Variants in PRKN observed in about 807,000 individuals in gnomAD.
PRKN encodes parkin RBR E3 ubiquitin protein ligase.
A neutral mutation model predicts 59.5 loss-of-function variants in PRKN; 56 were observed. The ratio of observed to expected loss-of-function variants is 0.94; its 90% CI spans 0.76 to 1.18. PRKN has a LOEUF of 1.18. Ranked by LOEUF, PRKN falls within the 50% of genes most tolerant of loss-of-function variation. PRKN has a pLI of 0.00. For synonymous variants in PRKN, 250 were observed against 222.1 expected, an observed-to-expected ratio of 1.13 and a Z score of -1.12; for missense variants, 657 against 596.4, an observed-to-expected ratio of 1.10 and a Z score of -1.06.
At chr6:161,897,860 G>T (rs368935083) in intron 6 of PRKN, among the ~76,000 whole-genome samples, 2 of 149,892 alleles carry the variant, frequency 1.3e-5, no homozygotes, top group Non-Finnish European at 3.0e-5. Context: ...CCAGCTACTC[G>T]GGAGGCTGAG....
intron 6 of PRKN, among the ~76,000 whole-genome samples, chr6:161,795,572 A>G (rs1254237125): frequency 1.3e-5 from 2 of 151,976 alleles, no homozygotes; most frequent in Admixed American, 6.6e-5. Flanking sequence ...AACCTGCACC[A>G]GGTCTCTCCA....
intron 1 of PRKN, among the ~76,000 whole-genome samples, chr6:162,461,766 C>T (rs147317868): frequency 0.016 from 2,404 of 150,930 alleles, 38 homozygotes; most frequent in Non-Finnish European, 0.027. Context: ...GTGGAGGTTG[C>T]AGTGAGCCAA....
At chr6:162,651,044 G>A (rs9458637) in intron 1 of PRKN, among the ~76,000 whole-genome samples, 28,855 of 152,094 alleles carry the variant, frequency 0.19, 3,483 homozygotes, top group East Asian at 0.47. Flanking sequence ...GATAGGATAG[G>A]CCAGAGCAGG....
intron 5 of PRKN, among the ~76,000 whole-genome samples, chr6:162,039,234 T>G (rs796098502): frequency 3.2e-4 from 49 of 152,242 alleles, no homozygotes; most frequent in African/African-American, 1.2e-3. Flanking sequence ...ATAGAAATAA[T>G]TCTAGCCCTG....
At chr6:162,517,284 G>C (rs978878970) in intron 1 of PRKN, among the ~76,000 whole-genome samples, 1 of 148,274 alleles carries the variant, frequency 6.7e-6, no homozygotes, top group Non-Finnish European at 1.5e-5. Flanking sequence ...GTCCCGCTCT[G>C]TCGCCCAGGC....
At chr6:162,023,659 G>A (rs1783302059) in intron 5 of PRKN, among the ~76,000 whole-genome samples, 1 of 152,032 alleles carries the variant, frequency 6.6e-6, no homozygotes, top group Non-Finnish European at 1.5e-5. Context: ...CTAGGGTATC[G>A]GGTTTTTAGA....
intron 4 of PRKN, among the ~76,000 whole-genome samples, chr6:162,095,623 T>C (rs549131078): frequency 1.3e-5 from 2 of 152,326 alleles, no homozygotes; most frequent in African/African-American, 4.8e-5. Flanking sequence ...ATGTTTCTGA[T>C]ACCTGCCTAA....
At chr6:162,437,853 C>T (rs181376270) in intron 2 of PRKN, among the ~76,000 whole-genome samples, 6 of 152,202 alleles carry the variant, frequency 3.9e-5, no homozygotes, top group African/African-American at 7.2e-5. Flanking sequence ...GAGTTGTTTC[C>T]GTGTTCTGCT....
At chr6:162,280,976 C>T (rs1393687978) in intron 2 of PRKN, among the ~76,000 whole-genome samples, 1 of 152,008 alleles carries the variant, frequency 6.6e-6, no homozygotes, top group Non-Finnish European at 1.5e-5. Context: ...ATGTCCTTTG[C>T]AGGGATATGG....
chr6:161,963,269 G>T lies in PRKN; in HGVS notation c.734+10033C>A, dbSNP rs575568225. ...CCTAACGGATACAAAATTGGTCCAG[G>T]ATTTGCAATATTGCCCTGCTCTTCC... On this transcript the variant is annotated intron_variant, in intron 6 of 11. Coordinates refer to ENST00000366898, the MANE Select transcript of PRKN (RefSeq NM_004562.3). Among the ~76,000 whole-genome samples the T allele has an allele frequency of 2.6e-5, 4 of 152,330 alleles. No homozygotes were observed. In the South Asian group the frequency reaches 6.2e-4, roughly 24 times the overall value.
chr6:162,569,905 C>A (rs553348934), intron 1 of PRKN, among the ~76,000 whole-genome samples: 2 of 152,286 alleles, frequency 1.3e-5, no homozygotes, highest in South Asian at 2.1e-4. Context: ...ATGCCTTCAG[C>A]TACAAAACAA....
In PRKN at chr6:161,581,089, G is replaced by A. The variant is rs193299526; in HGVS notation, c.872-11673C>T. On this transcript the variant is annotated intron_variant, in intron 7 of 11. Coordinates refer to ENST00000366898, the MANE Select transcript of PRKN (RefSeq NM_004562.3). The surrounding 1 kb of genome is among the most constrained non-coding windows in gnomAD (Gnocchi z 4.5). ...ACACACACACACAAAATAGCCAGGCGTGGTGGCATGCCCTTGTAATCCCAG... is the reference window on the plus strand; with the variant it reads ...ACACACACACACAAAATAGCCAGGCATGGTGGCATGCCCTTGTAATCCCAG... Among the ~76,000 whole-genome samples, 514 of 141,944 alleles carry A rather than the reference G, an allele frequency of 3.6e-3. 4 individuals carry two copies. Among genetic ancestry groups the A allele is most frequent in the Non-Finnish European group, 5.6e-3 (373 of 67,154 alleles). 93.1% of individuals were successfully genotyped at this position (141,944 alleles called of 152,430 possible).
intron 6 of PRKN, among the ~76,000 whole-genome samples, chr6:161,876,233 A>G (rs1794727054): frequency 6.6e-6 from 1 of 152,102 alleles, no homozygotes; most frequent in Admixed American, 6.5e-5. Flanking sequence ...ATATTACTGA[A>G]TATCTCCCAT....
intron 1 of PRKN, among the ~76,000 whole-genome samples, chr6:162,517,418 G>GTT (rs71818014): frequency 1.1e-4 from 16 of 143,746 alleles, no homozygotes; most frequent in South Asian, 4.5e-4. Flanking sequence ...CGACTAATTT[G>GTT]TTTTTTTTTT....
intron 2 of PRKN, among the ~76,000 whole-genome samples, chr6:162,333,609 G>A (rs938809116): frequency 3.3e-5 from 5 of 152,054 alleles, no homozygotes; most frequent in Non-Finnish European, 7.3e-5. Flanking sequence ...CGACTGATAC[G>A]CCAACTGCCT....
intron 9 of PRKN, among the ~76,000 whole-genome samples, chr6:161,535,957 AT>A (rs10650031): frequency 6.7e-6 from 1 of 149,998 alleles, no homozygotes. Context: ...GAACAAAAAG[AT>A]TTTTTTTTTT....
intron 6 of PRKN, among the ~76,000 whole-genome samples, chr6:161,830,259 T>G (rs1249027335): frequency 6.7e-6 from 1 of 149,180 alleles, no homozygotes; most frequent in African/African-American, 2.4e-5. Flanking sequence ...TGTTTTTTGT[T>G]TTTTTTTTTT....
At chr6:162,598,278 C>A (rs1443386789) in intron 1 of PRKN, among the ~76,000 whole-genome samples, 5 of 152,030 alleles carry the variant, frequency 3.3e-5, no homozygotes, top group Non-Finnish European at 7.4e-5. Context: ...GTTTTTATTT[C>A]TTAATCTACT....
rs996808849 is a variant in PRKN, at chr6:161,767,649, C to T, written c.871+18123G>A. On this transcript the variant is annotated intron_variant, in intron 7 of 11. Coordinates refer to ENST00000366898, the MANE Select transcript of PRKN (RefSeq NM_004562.3). ...GGAAATTTGCTTAGAAATTATAACACGGTGGAGAAGTAAACAGTTAGAAGT... is the reference window on the plus strand; with the variant it reads ...GGAAATTTGCTTAGAAATTATAACATGGTGGAGAAGTAAACAGTTAGAAGT... Among the ~76,000 whole-genome samples, 3 of 152,204 alleles carry T rather than the reference C, an allele frequency of 2.0e-5. No homozygotes were observed. The East Asian group carries it at 5.8e-4, about 29-fold the overall frequency.
Sources: allele counts gnomAD v4.1 joint callset (sites outside exome capture counted in the v4.1 genomes callset), GRCh38; gene constraint gnomAD v4.1.1; non-coding constraint Gnocchi (gnomAD v3.1); transcripts MANE v1.5; gene names NCBI Gene and HGNC (gene_info 2026-07-23, HGNC 2026-07-21).